The following MTARC1 variants were observed in gnomAD, a reference collection of about 807,000 sequenced individuals.
The protein encoded by MTARC1 is mitochondrial amidoxime reducing component 1.
Under a neutral mutation model 33.6 loss-of-function variants are expected in MTARC1, and 24 were observed. The observed-to-expected ratio is 0.72, with a 90% CI of 0.52 to 1.01. The LOEUF is 1.01. MTARC1 is among the 50% of genes least tolerant of loss of function. MTARC1 has a pLI of 0.00. For synonymous variants in MTARC1, 187 were observed against 189.5 expected (o/e 0.99, Z 0.11); for missense variants, 417 against 445.7 (o/e 0.94, Z 0.58).
chr1:220,790,028 A>G (rs568458134), intron 1 of MTARC1, among the ~76,000 whole-genome samples: 1 of 152,310 alleles, frequency 6.6e-6, no homozygotes, highest in East Asian at 1.9e-4. Context: ...CTGCCACTGA[A>G]TTGCACACTT....
In MTARC1 at chr1:220,791,585, C is replaced by A; in HGVS notation, c.370C>A (p.Leu124Met). 6.2e-7 allele frequency: 1 copy of A among 1,614,164 alleles called. No homozygotes were observed. The highest frequency in any genetic ancestry group is 8.5e-7 in the Non-Finnish European group (1 of 1,180,038). Residue 124 changes from leucine (L) to methionine (M), a missense_variant, in exon 2 of 7, where the codon CTG becomes ATG. Leu to Met is a conservative substitution (Grantham distance 15). Coordinates refer to ENST00000366910, the MANE Select transcript of MTARC1 (RefSeq NM_022746.4). Reference sequence around the variant, plus strand: ...TTCCCTGACCTGCGATGGTGACACCCTGACTCTCAGTGCAGCCTACACAAA... The same window carrying A: ...TTCCCTGACCTGCGATGGTGACACCATGACTCTCAGTGCAGCCTACACAAA... ...LISLTCDGDTLTLSAAYTKDL... is the reference protein window; with the variant it reads ...LISLTCDGDTMTLSAAYTKDL...
chr1:220,787,965 G>A (rs534778187), intron 1 of MTARC1, among the ~76,000 whole-genome samples: 12 of 152,108 alleles, frequency 7.9e-5, no homozygotes, highest in African/African-American at 1.4e-4. Context: ...CCAGGATTGC[G>A]CCACTGCACT....
rs67175231 is a variant in MTARC1 at position 220,799,241 on chromosome 1, G to A, written c.753+1227G>A. On this transcript the variant is annotated intron_variant, in intron 4 of 6. Coordinates refer to ENST00000366910, the MANE Select transcript of MTARC1 (RefSeq NM_022746.4). ...ATTGCTCCAAACTTCCAAGGGTAGC[G>A]TTTCTTCTAAAGATGGTGGAGAACT... The A allele has an allele frequency of 1.0e-3, 944 of 931,466 alleles. 11 individuals are homozygous for A. In the South Asian group the frequency reaches 0.023, roughly 23 times the overall value. The allele number at this position is 931,466 out of a possible 1,614,324, so 57.7% of individuals were successfully genotyped here. A position where few individuals can be genotyped will look rare whatever the true frequency, so the allele number is the denominator to read the frequency against.
rs776976306 is a variant in MTARC1 at position 220,805,291 on chromosome 1, G to A, written c.887+17G>A. Reference sequence around the variant, plus strand: ...ACTGAAGAGGTAGGACTGGGCAGACGGGGCTCATCCTCGGGTTTAGGTGCC... The same window carrying A: ...ACTGAAGAGGTAGGACTGGGCAGACAGGGCTCATCCTCGGGTTTAGGTGCC... On this transcript the variant is annotated intron_variant, in intron 6 of 6. Coordinates refer to ENST00000366910, the MANE Select transcript of MTARC1 (RefSeq NM_022746.4). 270 of 1,612,256 alleles carry A rather than the reference G, an allele frequency of 1.7e-4. 1 individual carries two copies. The highest frequency in any genetic ancestry group is 2.2e-4 in the Non-Finnish European group (255 of 1,179,960).
chr1:220,809,528 G>T (rs1228732540), intron 6 of MTARC1, among the ~76,000 whole-genome samples: 1 of 122,120 alleles, frequency 8.2e-6, no homozygotes, highest in Non-Finnish European at 1.9e-5. Context: ...TTTATTTATT[G>T]AGACAGAGTC....
At chr1:220,804,961 C>A in intron 4 of MTARC1, 91 bp from the exon 5 acceptor site, 1 of 1,361,324 alleles carries the variant, frequency 7.3e-7, no homozygotes, top group Non-Finnish European at 1.1e-6. Context: ...TGGGTGACAT[C>A]GTTAGGTGCG....
intron 1 of MTARC1, among the ~76,000 whole-genome samples, chr1:220,790,552 G>A (rs1303584548): frequency 6.6e-6 from 1 of 152,168 alleles, no homozygotes; most frequent in East Asian, 1.9e-4. Context: ...GTTACGGAAA[G>A]GGCTTATACT....
rs1222595600 is a variant in MTARC1, at chr1:220,786,949, G to A, written c.5G>A (p.Gly2Asp). 2.4e-6 allele frequency: 3 copies of A among 1,240,458 alleles called. No homozygotes were observed. Among genetic ancestry groups the A allele is most frequent in the Non-Finnish European group, 2.0e-6 (2 of 994,600 alleles). The allele number at this position is 1,240,458 out of a possible 1,614,324, so 76.8% of individuals were successfully genotyped here. Residue 2 changes from glycine to aspartate, a missense_variant, in exon 1 of 7, where the codon GGC becomes GAC. By Grantham distance (94) the Gly-to-Asp change is moderately conservative. Coordinates refer to ENST00000366910, the MANE Select transcript of MTARC1 (RefSeq NM_022746.4). ...CACCTCGCGGAGAAGCCAGCCATGG[G>A]CGCCGCCGGCTCCTCCGCGCTGGCG... is the stretch of plus-strand genomic sequence containing the variant. MGAAGSSALARF... is the reference protein window; with the variant it reads MDAAGSSALARF...
chr1:220,792,970 T>C (rs1448505372), intron 2 of MTARC1, among the ~76,000 whole-genome samples: 2 of 152,200 alleles, frequency 1.3e-5, no homozygotes, highest in African/African-American at 4.8e-5. Context: ...GATGAATATC[T>C]TGGCATAAAT....
intron 6 of MTARC1, among the ~76,000 whole-genome samples, chr1:220,806,521 G>A (rs1311495706): frequency 3.3e-5 from 5 of 152,192 alleles, no homozygotes; most frequent in Admixed American, 6.5e-5. Context: ...TCCCTGTAAC[G>A]TGAGGTTGTC....
rs768755957 is a variant in MTARC1 at position 220,813,704 on chromosome 1, C to A, written c.*286C>A. The A allele has an allele frequency of 2.8e-4, 91 of 328,948 alleles. No individual in the cohort carries two copies. Among genetic ancestry groups the A allele is most frequent in the Non-Finnish European group, 2.9e-5 (5 of 173,286 alleles). The allele number at this position is 328,948 out of a possible 1,614,324, so 20.4% of individuals were successfully genotyped here. ...TTAACTGATTATGGAATAGTTCTTT[C>A]TCCTGCTTCTCCGTTTATCTACCAA... On this transcript the variant is annotated 3_prime_UTR_variant, in exon 7 of 7. Coordinates refer to ENST00000366910, the MANE Select transcript of MTARC1 (RefSeq NM_022746.4).
chr1:220,813,272 A>G lies in MTARC1; in HGVS notation c.888-20A>G. On this transcript the variant is annotated intron_variant, in intron 6 of 6. Transcript: ENST00000366910. ...TGCATCCGCTTGGCTGTGACTCATC[A>G]TGATCTTTTCCTATTGCAGTTATCG... The G allele has an allele frequency of 6.2e-7, 1 of 1,613,978 alleles. No individual in the cohort carries two copies. Among genetic ancestry groups the G allele is most frequent in the Non-Finnish European group, 8.5e-7 (1 of 1,179,938 alleles).
chr1:220,798,196 C>G, intron 4 of MTARC1, 182 bp downstream of exon 4: 2 of 1,533,636 alleles, frequency 1.3e-6, no homozygotes, highest in Non-Finnish European at 1.8e-6. Context: ...GTGGAGGATA[C>G]AAATGTTGAT....
chr1:220,808,322 A>G (rs1673031327), intron 6 of MTARC1, among the ~76,000 whole-genome samples: 1 of 152,160 alleles, frequency 6.6e-6, no homozygotes, highest in Non-Finnish European at 1.5e-5. Flanking sequence ...CACCCCCCTG[A>G]TCTTCCGCAG....
chr1:220,788,406 T>A (rs1672309830), intron 1 of MTARC1, among the ~76,000 whole-genome samples: 1 of 152,030 alleles, frequency 6.6e-6, no homozygotes, highest in African/African-American at 2.4e-5. Context: ...TCCTACCAGC[T>A]CCCCAGACAG....
intron 2 of MTARC1, among the ~76,000 whole-genome samples, chr1:220,795,318 C>T (rs887119427): frequency 6.6e-6 from 1 of 152,174 alleles, no homozygotes; most frequent in Non-Finnish European, 1.5e-5. Flanking sequence ...GAATAAGAAA[C>T]TATCACCAAG....
At chr1:220,788,333 C>A (rs912328933) in intron 1 of MTARC1, among the ~76,000 whole-genome samples, 7 of 152,178 alleles carry the variant, frequency 4.6e-5, no homozygotes, top group African/African-American at 1.7e-4. Flanking sequence ...CTTGAAACTC[C>A]TTTCCAGAGC....
intron 4 of MTARC1, among the ~76,000 whole-genome samples, chr1:220,800,192 CCG>C (rs1558088886): frequency 6.6e-6 from 1 of 151,834 alleles, no homozygotes; most frequent in African/African-American, 2.4e-5. Context: ...CTCTAAAAAC[CCG>C]TATCTCTCTC....
At chr1:220,807,425 A>T (rs1217313321) in intron 6 of MTARC1, among the ~76,000 whole-genome samples, 1 of 152,152 alleles carries the variant, frequency 6.6e-6, no homozygotes, top group Non-Finnish European at 1.5e-5. Context: ...TCTACTAAAA[A>T]TACAAAACTT....
Sources: allele counts gnomAD v4.1 joint callset (sites outside exome capture counted in the v4.1 genomes callset), GRCh38; gene constraint gnomAD v4.1.1; transcripts MANE v1.5; gene names NCBI Gene and HGNC (gene_info 2026-07-23, HGNC 2026-07-21).